The following UBE2V2 variants were observed in gnomAD, a reference collection of about 807,000 sequenced individuals.
UBE2V2 encodes ubiquitin-conjugating enzyme E2 variant 2.
A neutral mutation model predicts 17.2 loss-of-function variants in UBE2V2; 9 were observed. The observed-to-expected ratio is 0.52, with a 90% confidence interval of 0.32 to 0.91. UBE2V2 has a LOEUF of 0.91. UBE2V2 is among the 40% of genes least tolerant of loss of function. UBE2V2 has a pLI of 0.04. For synonymous variants in UBE2V2, 61 were observed against 57.5 expected (o/e 1.06, Z -0.28); for missense variants, 133 against 182.6 (o/e 0.73, Z 1.56).
intron 1 of UBE2V2, among the ~76,000 whole-genome samples, chr8:48,039,336 A>G (rs967114449): frequency 5.3e-5 from 8 of 152,208 alleles, no homozygotes; most frequent in South Asian, 2.1e-4. Context: ...TGAACTTCCA[A>G]TATCTACACG....
chr8:48,050,438 C>G (rs758342511), intron 3 of UBE2V2: 2 of 152,270 alleles, frequency 1.3e-5, no homozygotes, highest in Non-Finnish European at 2.9e-5. Flanking sequence ...TTCACAATGG[C>G]CAGGCTGGTC....
At chr8:48,040,291 T>C (rs986204769) in intron 1 of UBE2V2, among the ~76,000 whole-genome samples, 1 of 152,148 alleles carries the variant, frequency 6.6e-6, no homozygotes, top group African/African-American at 2.4e-5. Context: ...GGACATTTTC[T>C]TACAATAGAA....
At chr8:48,053,299 G>A (rs1006319175) in intron 3 of UBE2V2, among the ~76,000 whole-genome samples, 15 of 151,754 alleles carry the variant, frequency 9.9e-5, no homozygotes, top group African/African-American at 3.4e-4. Flanking sequence ...TTATTTTTTT[G>A]TTTTTAAAAG....
chr8:48,020,420 C>A (rs1412647460), intron 1 of UBE2V2, among the ~76,000 whole-genome samples: 1 of 152,060 alleles, frequency 6.6e-6, no homozygotes, highest in Non-Finnish European at 1.5e-5. Context: ...TTATTGGCAG[C>A]ATATAGTTGG....
chr8:48,009,220 A>C (rs1049779473), intron 1 of UBE2V2, among the ~76,000 whole-genome samples: 1 of 151,452 alleles, frequency 6.6e-6, no homozygotes, highest in Non-Finnish European at 1.5e-5. Flanking sequence ...GCTTTAGTTT[A>C]CATTTAAAAA....
At position 48,061,991 on chromosome 8, in the gene UBE2V2, C is replaced by G. The variant is rs942089268; in HGVS notation, c.*1163C>G. The G allele has an allele frequency of 6.6e-6, 1 of 152,140 alleles. No homozygotes were observed. The highest frequency in any genetic ancestry group is 2.4e-5 in the African/African-American group (1 of 41,418). 9.4% of individuals were successfully genotyped at this position (152,140 alleles called of 1,614,324 possible). The stretch of plus-strand genomic sequence containing the variant: ...TTCCAATTAGGGCTTTTAATACTAA[C>G]AAGGATAACTTTATTCATTCCTCGT... On this transcript the variant is annotated 3_prime_UTR_variant, in exon 4 of 4. Transcript: ENST00000523111.
intron 3 of UBE2V2, among the ~76,000 whole-genome samples, chr8:48,056,595 T>G (rs2091573172): frequency 6.6e-6 from 1 of 152,224 alleles, no homozygotes; most frequent in African/African-American, 2.4e-5. Flanking sequence ...TTTCGTCATC[T>G]TGGCCAGGCT....
At chr8:48,003,028 G>A in the UBE2V2 span, among the ~76,000 whole-genome samples, 3 of 152,020 alleles carry the variant, frequency 2.0e-5, no homozygotes, top group Non-Finnish European at 4.4e-5. Flanking sequence ...TGGCCAACAT[G>A]GTGAAACCCC....
chr8:48,046,263 G>A (rs2091498294), intron 2 of UBE2V2, among the ~76,000 whole-genome samples: 1 of 152,072 alleles, frequency 6.6e-6, no homozygotes, highest in Non-Finnish European at 1.5e-5. Context: ...GGACTACAGG[G>A]GCCTGTCACC....
At chr8:48,052,107 C>G (rs546551396) in intron 3 of UBE2V2, among the ~76,000 whole-genome samples, 1 of 152,298 alleles carries the variant, frequency 6.6e-6, no homozygotes, top group South Asian at 2.1e-4. Flanking sequence ...CAACTTCTTT[C>G]ATTCTGTTTG....
At chr8:48,021,736 G>GGAGT (rs2091307223) in intron 1 of UBE2V2, among the ~76,000 whole-genome samples, 1 of 150,748 alleles carries the variant, frequency 6.6e-6, no homozygotes, top group South Asian at 2.1e-4. Context: ...CACCCAGGCT[G>GGAGT]GAGTGCAGTG....
intron 1 of UBE2V2, among the ~76,000 whole-genome samples, chr8:48,010,633 C>T (rs1357572909): frequency 2.0e-5 from 3 of 150,866 alleles, no homozygotes; most frequent in Non-Finnish European, 4.4e-5. Flanking sequence ...GATCTCTTGA[C>T]CTCGTGATCC....
chr8:48,015,839 G>C (rs992593906), intron 1 of UBE2V2, among the ~76,000 whole-genome samples: 5 of 151,300 alleles, frequency 3.3e-5, no homozygotes, highest in African/African-American at 7.3e-5. Flanking sequence ...TTTATGATTG[G>C]AACAGTGTCC....
At chr8:48,003,217 A>C in the UBE2V2 span, among the ~76,000 whole-genome samples, 1 of 151,328 alleles carries the variant, frequency 6.6e-6, no homozygotes, top group Non-Finnish European at 1.5e-5. Flanking sequence ...CTCAAACAAA[A>C]AAAAAAAAAA....
At chr8:48,005,843 T>A (rs1589845165), upstream of UBE2V2, among the ~76,000 whole-genome samples, 3 of 152,360 alleles carry the variant, frequency 2.0e-5, no homozygotes, top group African/African-American at 7.2e-5. Flanking sequence ...TCATATCCTT[T>A]GCCCACTTTT....
In UBE2V2 at chr8:48,031,659, G is replaced by A. The variant is rs1310708394; in HGVS notation, c.17-11374G>A. On this transcript the variant is annotated intron_variant, in intron 1 of 3. Transcript: ENST00000523111. Reference sequence around the variant, plus strand: ...GATGTACGAAGTTTGACTTGAATTTGTTTTTTTCTTTTTTGAGACGGAGTC... The same window carrying A: ...GATGTACGAAGTTTGACTTGAATTTATTTTTTTCTTTTTTGAGACGGAGTC... 5.9e-5 allele frequency among the ~76,000 whole-genome samples: 9 copies of A among 152,206 alleles called. No homozygotes were observed. The South Asian group carries it at 1.9e-3, about 32-fold the overall frequency.
intron 1 of UBE2V2, among the ~76,000 whole-genome samples, chr8:48,015,798 T>A (rs115611045): frequency 6.6e-6 from 1 of 152,174 alleles, no homozygotes; most frequent in Non-Finnish European, 1.5e-5. Context: ...GGTTCATCCA[T>A]GTTGTTGGAA....
upstream of UBE2V2, among the ~76,000 whole-genome samples, chr8:48,003,737 A>C (rs1165284506): frequency 2.6e-5 from 4 of 152,208 alleles, no homozygotes; most frequent in Non-Finnish European, 5.9e-5. Flanking sequence ...AGATCAGTTT[A>C]ATGAAAAGAC....
chr8:48,042,177 C>T (rs1474808618), intron 1 of UBE2V2: 1 of 152,126 alleles, frequency 6.6e-6, no homozygotes, highest in African/African-American at 2.4e-5. Flanking sequence ...TGTATATAAG[C>T]CTATTCATTT....
Sources: allele counts gnomAD v4.1 joint callset (sites outside exome capture counted in the v4.1 genomes callset), GRCh38; gene constraint gnomAD v4.1.1; transcripts MANE v1.5; gene names NCBI Gene and HGNC (gene_info 2026-07-23, HGNC 2026-07-21).